The following SLC44A3 variants were observed in gnomAD, a reference collection of about 807,000 sequenced individuals.
SLC44A3 encodes choline transporter-like protein 3.
In SLC44A3, 74 loss-of-function variants were observed where a neutral mutation model predicts 75.4. The ratio of observed to expected loss-of-function variants is 0.98; its 90% CI spans 0.81 to 1.19. The LOEUF is 1.19. SLC44A3 is among the 50% of genes most tolerant of loss of function. The pLI is 0.00. For synonymous variants in SLC44A3, 310 were observed against 296.9 expected (o/e 1.04, Z -0.45); for missense variants, 700 against 778.6 (o/e 0.90, Z 1.20).
At position 94,864,919 on chromosome 1, in the gene SLC44A3, C is replaced by A. The variant is rs1196183367; in HGVS notation, c.1395+20C>A. 4 of 1,610,934 alleles carry A rather than the reference C, an allele frequency of 2.5e-6. No homozygotes were observed. Among genetic ancestry groups the A allele is most frequent in the Non-Finnish European group, 3.4e-6 (4 of 1,178,648 alleles). ...GAACAGGTAAGGCTACCTCCTGATA[C>A]ACAGCACGTTCTGTGTTTGGGTTGC... On this transcript the variant is annotated intron_variant, in intron 11 of 14. Transcript: ENST00000271227.
At chr1:94,891,778 C>A (rs1670241353) in intron 13 of SLC44A3, among the ~76,000 whole-genome samples, 5 of 151,966 alleles carry the variant, frequency 3.3e-5, no homozygotes. Context: ...CAAAAATTAG[C>A]CGGGTGTGGT....
chr1:94,834,739 C>G (rs1306417398), intron 5 of SLC44A3, among the ~76,000 whole-genome samples: 8 of 152,164 alleles, frequency 5.3e-5, no homozygotes, highest in Non-Finnish European at 1.2e-4. Context: ...CTCGCCTCGG[C>G]CTCCCAAAGT....
At chr1:94,828,090 G>A (rs74101559) in intron 4 of SLC44A3, among the ~76,000 whole-genome samples, 2,997 of 152,302 alleles carry the variant, frequency 0.02, 88 homozygotes, top group African/African-American at 0.066. Flanking sequence ...GCAGTGGGAT[G>A]TCACAAGTTG....
intron 3 of SLC44A3, among the ~76,000 whole-genome samples, chr1:94,825,479 C>T (rs570804489): frequency 5.3e-5 from 8 of 152,084 alleles, no homozygotes; most frequent in Non-Finnish European, 7.4e-5. Flanking sequence ...TGCAGGCGCC[C>T]GCCACCAGGC....
In SLC44A3 at chr1:94,890,074, T is replaced by A. The variant is rs546465711; in HGVS notation, c.1483-1056T>A. ...CATGTTGCTCAGGCTGGTCTTGAAC[T>A]CCTGACCTCAGGTGATCCTCCCGCC... On this transcript the variant is annotated intron_variant, in intron 12 of 14. Coordinates refer to ENST00000271227, the MANE Select transcript of SLC44A3 (RefSeq NM_001114106.3). Among the ~76,000 whole-genome samples the A allele has an allele frequency of 5.3e-5, 8 of 152,312 alleles. No homozygotes were observed. The South Asian group carries it at 1.2e-3, about 24-fold the overall frequency.
At chr1:94,845,166 T>C in intron 8 of SLC44A3, 112 bp from the exon 9 acceptor site, 2 of 1,126,064 alleles carry the variant, frequency 1.8e-6, no homozygotes, top group Non-Finnish European at 1.3e-6. Context: ...AGTGAGTAAC[T>C]ATCTTAAAAG....
intron 10 of SLC44A3, among the ~76,000 whole-genome samples, chr1:94,859,132 A>T (rs983668186): frequency 2.0e-5 from 3 of 152,192 alleles, no homozygotes; most frequent in Non-Finnish European, 4.4e-5. Flanking sequence ...GCTTCCTCCC[A>T]GGTAGGGGAG....
At chr1:94,872,806 TG>T (rs1348038941) in intron 12 of SLC44A3, among the ~76,000 whole-genome samples, 1 of 152,056 alleles carries the variant, frequency 6.6e-6, no homozygotes, top group Non-Finnish European at 1.5e-5. Context: ...GTGTGGGAAA[TG>T]GGGGGAGAGT....
chr1:94,830,907 A>T (rs1029515170), intron 5 of SLC44A3, among the ~76,000 whole-genome samples: 1 of 152,206 alleles, frequency 6.6e-6, no homozygotes, highest in African/African-American at 2.4e-5. Flanking sequence ...CTAAACCCTT[A>T]ACATAATTTG....
chr1:94,860,737 T>C (rs1192292276), intron 10 of SLC44A3, among the ~76,000 whole-genome samples: 1 of 152,192 alleles, frequency 6.6e-6, no homozygotes, highest in Non-Finnish European at 1.5e-5. Flanking sequence ...AAGAACAAAG[T>C]CATGCACAGG....
rs547180128 is a variant in SLC44A3 at position 94,878,668 on chromosome 1, G to A, written c.1482+11251G>A. Among the ~76,000 whole-genome samples, 16 of 152,276 alleles carry A rather than the reference G, an allele frequency of 1.1e-4. 1 individual carries two copies. The highest frequency in any genetic ancestry group is 6.2e-4 in the South Asian group (3 of 4,822). On this transcript the variant is annotated intron_variant, in intron 12 of 14. Coordinates refer to ENST00000271227, the MANE Select transcript of SLC44A3 (RefSeq NM_001114106.3). ...GGTTCAGAAAGAAAATATCTGTCACGCTACAAAGCCACAGTAATGAAAATG... is the reference window on the plus strand; with the variant it reads ...GGTTCAGAAAGAAAATATCTGTCACACTACAAAGCCACAGTAATGAAAATG...
chr1:94,878,095 G>A lies in SLC44A3; in HGVS notation c.1482+10678G>A, dbSNP rs930596913. On this transcript the variant is annotated intron_variant, in intron 12 of 14. Transcript: ENST00000271227. Reference sequence around the variant, plus strand: ...TAAAAATACAAAAAATTAGCCGGGCGAGGTGGCGGGCGCCTGTAGTCCCAG... The same window carrying A: ...TAAAAATACAAAAAATTAGCCGGGCAAGGTGGCGGGCGCCTGTAGTCCCAG... 5.9e-5 allele frequency among the ~76,000 whole-genome samples: 9 copies of A among 152,058 alleles called. No homozygotes were observed. In the South Asian group the frequency reaches 1.7e-3, roughly 28 times the overall value.
chr1:94,820,703 C>T, intron 1 of SLC44A3: 2 of 1,379,106 alleles, frequency 1.5e-6, no homozygotes, highest in Non-Finnish European at 1.9e-6. Context: ...AACTTGGGGT[C>T]GTCCTCAGGT....
chr1:94,890,141 C>G (rs72718288), intron 12 of SLC44A3, among the ~76,000 whole-genome samples: 14,976 of 152,294 alleles, frequency 0.098, 796 homozygotes, highest in African/African-American at 0.14. Flanking sequence ...TGAGCCACGG[C>G]ACCTGGCCTA....
intron 12 of SLC44A3, among the ~76,000 whole-genome samples, chr1:94,878,085 T>G (rs1257188543): frequency 6.6e-6 from 1 of 151,838 alleles, no homozygotes; most frequent in African/African-American, 2.4e-5. Context: ...ATACAAAAAA[T>G]TAGCCGGGCG....
rs188974533 is a variant in SLC44A3, at chr1:94,893,442, G to T, written c.1857+925G>T. Among the ~76,000 whole-genome samples the T allele has an allele frequency of 2.0e-3, 311 of 151,886 alleles. 1 individual carries two copies. The highest frequency in any genetic ancestry group is 3.5e-3 in the Non-Finnish European group (237 of 67,956). ...GTTGCCCAGGCTTGAGTGCAATGGC[G>T]CAATCTCAGCTCACCGCAACCTCCA... is the stretch of plus-strand genomic sequence containing the variant. On this transcript the variant is annotated intron_variant, in intron 14 of 14. Transcript: ENST00000271227.
rs1669890132 is a variant in SLC44A3, at chr1:94,888,790, T to G, written c.1483-2340T>G. The G allele has an allele frequency of 4.7e-6, 4 of 845,392 alleles. No individual in the cohort carries two copies. In the South Asian group the frequency reaches 1.6e-4, roughly 34 times the overall value. The allele number at this position is 845,392 out of a possible 1,614,324, so 52.4% of individuals were successfully genotyped here. On this transcript the variant is annotated intron_variant, in intron 12 of 14. Coordinates refer to ENST00000271227, the MANE Select transcript of SLC44A3 (RefSeq NM_001114106.3). ...TGTCACCCAGGTTGGAGTGCAGTGG[T>G]GCGATCTCGGCTCACTTCAACCTCT...
chr1:94,881,565 A>G (rs113986000), intron 12 of SLC44A3, among the ~76,000 whole-genome samples: 10,018 of 150,076 alleles, frequency 0.067, 387 homozygotes, highest in Middle Eastern at 0.084. Context: ...TTAGCCAGGC[A>G]TGGTGGCGGG....
intron 12 of SLC44A3, among the ~76,000 whole-genome samples, chr1:94,868,940 G>A (rs1391292378): frequency 6.6e-6 from 1 of 152,108 alleles, no homozygotes; most frequent in Non-Finnish European, 1.5e-5. Context: ...ACCACATTAG[G>A]AGGGCAGAGA....
Sources: gnomAD v4.1 joint callset for allele counts (sites outside exome capture counted in the v4.1 genomes callset) on GRCh38, gnomAD v4.1.1 for gene constraint, MANE v1.5 for transcripts, NCBI Gene and HGNC (gene_info 2026-07-23, HGNC 2026-07-21) for gene names.